Variants in AP3S2 observed in about 807,000 individuals in gnomAD.
The protein encoded by AP3S2 is AP-3 complex subunit sigma-2.
In AP3S2, 22 loss-of-function variants were observed where a neutral mutation model predicts 23.4. The ratio of observed to expected loss-of-function variants is 0.94; its 90% CI spans 0.67 to 1.34. AP3S2 has a LOEUF of 1.34. Among genes scored for constraint, AP3S2 ranks in the 40% most tolerant of loss-of-function variants. AP3S2 has a pLI of 0.00. For synonymous variants in AP3S2, 86 were observed against 87.1 expected, an observed-to-expected ratio of 0.99 and a Z score of 0.07; for missense variants, 241 against 236.9, an observed-to-expected ratio of 1.02 and a Z score of -0.11.
chr15:89,881,684 G>A (rs1040361027), intron 3 of AP3S2, among the ~76,000 whole-genome samples: 2 of 152,104 alleles, frequency 1.3e-5, no homozygotes, highest in African/African-American at 4.8e-5. Context: ...CGTGGAAAAA[G>A]GAAGCATGAT....
At chr15:89,888,450 A>G in intron 3 of AP3S2, 71 bp downstream of exon 3, 1 of 1,463,202 alleles carries the variant, frequency 6.8e-7, no homozygotes, top group Non-Finnish European at 9.5e-7. Context: ...ACAAGGTTCT[A>G]CAGGCTGGTT....
At chr15:89,886,389 T>G (rs1361815629) in intron 3 of AP3S2, 1 of 152,114 alleles carries the variant, frequency 6.6e-6, no homozygotes, top group East Asian at 1.9e-4. Flanking sequence ...ATAAAGTTAG[T>G]CTTTTTGTAT....
chr15:89,856,396 C>G (rs1895836771), intron 4 of AP3S2, among the ~76,000 whole-genome samples: 1 of 151,718 alleles, frequency 6.6e-6, no homozygotes, highest in Admixed American at 6.6e-5. Context: ...AACCCTGTCT[C>G]TACTAAAAAA....
intron 3 of AP3S2, chr15:89,883,980 T>C (rs1055950283): frequency 6.5e-6 from 1 of 152,794 alleles, no homozygotes. Flanking sequence ...ATAAGTATAA[T>C]GCAAATATCC....
rs1198184059 is a variant in AP3S2, at chr15:89,832,573, C to G, written c.*2942G>C. On this transcript the variant is annotated 3_prime_UTR_variant, in exon 6 of 6. Coordinates refer to ENST00000336418, the MANE Select transcript of AP3S2 (RefSeq NM_005829.5). ...GTGCGATCTTGGCTCACTGCAAGCT[C>G]TGCCTCCCGGGTTCATGCCATTCTC... The G allele has an allele frequency of 6.8e-6, 1 of 146,044 alleles. No homozygotes were observed. Among genetic ancestry groups the G allele is most frequent in the Non-Finnish European group, 1.5e-5 (1 of 67,322 alleles). 9.0% of individuals were successfully genotyped at this position (146,044 alleles called of 1,614,324 possible).
intron 4 of AP3S2, among the ~76,000 whole-genome samples, chr15:89,869,566 A>AT (rs1491502767): frequency 8.4e-4 from 59 of 70,000 alleles, no homozygotes; most frequent in South Asian, 2.2e-3. Flanking sequence ...AGAATTATCA[A>AT]TAAAAAAAAA....
chr15:89,841,146 T>C (rs1437071126), intron 4 of AP3S2, among the ~76,000 whole-genome samples: 1 of 152,186 alleles, frequency 6.6e-6, no homozygotes, highest in Non-Finnish European at 1.5e-5. Flanking sequence ...GCCTAACACA[T>C]GATGTCGTGG....
intron 1 of AP3S2, chr15:89,893,601 T>C: frequency 2.0e-6 from 1 of 494,204 alleles, no homozygotes. Context: ...CCACTGTCGC[T>C]TCTATCTCGT....
rs1440371954 is a variant in AP3S2, at chr15:89,893,924, T to C, written c.26A>G (p.Asn9Ser). MIQAILVF[N>S]NHGKPRLVRF... Reference sequence around the variant, plus strand: ...GACTAGCCGTGGCTTCCCATGGTTGTTGAAAACCAGAATCGCCTGAATCAT... The same window carrying C: ...GACTAGCCGTGGCTTCCCATGGTTGCTGAAAACCAGAATCGCCTGAATCAT... Residue 9 changes from asparagine (N) to serine (S), a missense_variant, in exon 1 of 6, where the codon AAC becomes AGC. Transcript: ENST00000336418. 18 of 1,551,656 alleles carry C rather than the reference T, an allele frequency of 1.2e-5. No homozygotes were observed. The East Asian group carries it at 3.9e-4, about 34-fold the overall frequency.
chr15:89,858,184 T>A (rs1324967853), intron 4 of AP3S2, among the ~76,000 whole-genome samples: 1 of 151,968 alleles, frequency 6.6e-6, no homozygotes, highest in African/African-American at 2.4e-5. Context: ...ACACCTGCAA[T>A]CCCAGCACTT....
At chr15:89,850,024 C>T (rs374511200) in intron 4 of AP3S2, among the ~76,000 whole-genome samples, 1 of 152,130 alleles carries the variant, frequency 6.6e-6, no homozygotes, top group African/African-American at 2.4e-5. Context: ...TTTTTTATGG[C>T]TGCATAGTAT....
At chr15:89,886,029 C>A (rs1896693563) in intron 3 of AP3S2, among the ~76,000 whole-genome samples, 1 of 151,254 alleles carries the variant, frequency 6.6e-6, no homozygotes, top group Non-Finnish European at 1.5e-5. Flanking sequence ...ACAATGTACA[C>A]TAAATATTTA....
rs1895074422 is a variant in AP3S2 at position 89,831,401 on chromosome 15, G to C, written c.*4114C>G. On this transcript the variant is annotated 3_prime_UTR_variant, in exon 6 of 6. Coordinates refer to ENST00000336418, the MANE Select transcript of AP3S2 (RefSeq NM_005829.5). ...GTAGACTCAGGAAGGTGAAAATCAG[G>C]ATGTCTGCCAGGAGCTGACAAATCC... 6.6e-6 allele frequency: 1 copy of C among 152,228 alleles called. No homozygotes were observed. The highest frequency in any genetic ancestry group is 2.4e-5 in the African/African-American group (1 of 41,450). The allele number at this position is 152,228 out of a possible 1,614,324, so 9.4% of individuals were successfully genotyped here.
At chr15:89,848,906 ATATCTT>A (rs1895565459) in intron 4 of AP3S2, 1 of 152,150 alleles carries the variant, frequency 6.6e-6, no homozygotes, top group Non-Finnish European at 1.5e-5. Context: ...GAGGAAGAAG[ATATCTT>A]TATGAGTAGT....
chr15:89,845,502 G>A lies in AP3S2; in HGVS notation c.346-7780C>T, dbSNP rs897152999. Reference sequence around the variant, plus strand: ...GAAAGTTGGAGGCTGCCAAGCATGGGTGTGGGAGCAAGCAGTCAAGAATCA... The same window carrying A: ...GAAAGTTGGAGGCTGCCAAGCATGGATGTGGGAGCAAGCAGTCAAGAATCA... On this transcript the variant is annotated intron_variant, in intron 4 of 5. Coordinates refer to ENST00000336418, the MANE Select transcript of AP3S2 (RefSeq NM_005829.5). 3 of 152,360 alleles carry A rather than the reference G, an allele frequency of 2.0e-5. No homozygotes were observed. The East Asian group carries it at 5.8e-4, about 29-fold the overall frequency. 9.4% of individuals were successfully genotyped at this position (152,360 alleles called of 1,614,324 possible).
rs1304735437 is a variant in AP3S2 at position 89,854,896 on chromosome 15, G to T, written c.345+16579C>A. 1.1e-3 allele frequency among the ~76,000 whole-genome samples: 3 copies of T among 2,760 alleles called. 1 individual carries two copies. The highest frequency in any genetic ancestry group is 7.8e-3 in the Non-Finnish European group (3 of 386). 1.8% of individuals were successfully genotyped at this position (2,760 alleles called of 152,430 possible). A position where few individuals can be genotyped will look rare whatever the true frequency, so the allele number is the denominator to read the frequency against. ...AGCCGCCCCGTCCGGGAGGGAGGTG[G>T]GGGGGGGGGGGGTTGGCCCCCCTGC... On this transcript the variant is annotated intron_variant, in intron 4 of 5. Transcript: ENST00000336418.
intron 4 of AP3S2, among the ~76,000 whole-genome samples, chr15:89,844,279 CTCTCTT>C (rs142964604): frequency 0.12 from 8,380 of 71,220 alleles, 413 homozygotes; most frequent in Non-Finnish European, 0.21. Flanking sequence ...TTCTCTCTCT[CTCTCTT>C]TCTTTCTTTA....
At chr15:89,881,977 C>A (rs1043955927) in intron 3 of AP3S2, among the ~76,000 whole-genome samples, 1 of 152,050 alleles carries the variant, frequency 6.6e-6, no homozygotes, top group Admixed American at 6.6e-5. Context: ...CATACCACCA[C>A]GCCCGGCTAA....
rs1278603152 is a variant in AP3S2, at chr15:89,837,633, G to A, written c.435C>T (p.Asn145=). Residue 145 remains asparagine, a synonymous_variant, in exon 5 of 6, where the codon AAC becomes AAT. Coordinates refer to ENST00000336418, the MANE Select transcript of AP3S2 (RefSeq NM_005829.5). ...NEIVAQIEAQ[N]RLEKSEGGLS... ...TACTCACCTCGGATTTCTCCAGCCT[G>A]TTTTGAGCCTCAATCTGAGCCACGA... 1 of 1,614,166 alleles carries A rather than the reference G, an allele frequency of 6.2e-7. No homozygotes were observed. The highest frequency in any genetic ancestry group is 8.5e-7 in the Non-Finnish European group (1 of 1,180,010).
Sources: allele counts gnomAD v4.1 joint callset (sites outside exome capture counted in the v4.1 genomes callset), GRCh38; gene constraint gnomAD v4.1.1; transcripts MANE v1.5; gene names NCBI Gene and HGNC (gene_info 2026-07-23, HGNC 2026-07-21).